MIB2: variants seen among roughly 807,000 people sequenced by gnomAD.
MIB2 encodes MIB E3 ubiquitin protein ligase 2.
A neutral mutation model predicts 96.6 loss-of-function variants in MIB2; 78 were observed. That is an observed-to-expected ratio of 0.81 (90% CI 0.67 to 0.97). The LOEUF (loss-of-function observed/expected upper bound fraction) is 0.97. Ranked by LOEUF, MIB2 falls within the 50% of genes least tolerant of loss-of-function variation. MIB2 has a pLI of 0.00. For synonymous variants in MIB2, 820 were observed against 629.5 expected, an observed-to-expected ratio of 1.30 and a Z score of -4.53; for missense variants, 1,543 against 1,424.0, an observed-to-expected ratio of 1.08 and a Z score of -1.35.
Position 1,629,203 on chromosome 1 carries a change from T to C in MIB2, c.2273T>C (p.Leu758Pro). The C allele has an allele frequency of 3.3e-6, 5 of 1,524,444 alleles. No individual in the cohort carries two copies. Among genetic ancestry groups the C allele is most frequent in the Non-Finnish European group, 4.4e-6 (5 of 1,145,064 alleles). 94.4% of individuals were successfully genotyped at this position (1,524,444 alleles called of 1,614,324 possible). Reference protein sequence around the residue: ...VGAAVACFLALEGADVSYTNH... With the variant: ...VGAAVACFLAPEGADVSYTNH... ...GCGGCGGTCGCCTGCTTCCTGGCGCTGGAGGGCGCCGACGTGAGCTACACC... is the reference window on the plus strand; with the variant it reads ...GCGGCGGTCGCCTGCTTCCTGGCGCCGGAGGGCGCCGACGTGAGCTACACC... Residue 758 changes from leucine (L) to proline (P), a missense_variant, in exon 17 of 20, where the codon CTG (leucine) becomes CCG (proline). Coordinates refer to ENST00000355826, the MANE Select transcript of MIB2 (RefSeq NM_001170687.4).
rs528290990 is a variant in MIB2, at chr1:1,627,193, A to G, written c.1360A>G (p.Arg454Gly). The part of the protein sequence containing the change: ...NAARALDLLR[R>G]RPEQVDTKNQ... ...AGCCCGGGCTCTGGACCTGCTGCGG[A>G]GGCGCCCAGAGCAGGCAAGCTCCTG... Residue 454 changes from arginine (R) to glycine (G), a missense_variant, in exon 11 of 20, where the codon AGG becomes GGG. Arg to Gly is a moderately radical substitution (Grantham distance 125). Coordinates refer to ENST00000355826, the MANE Select transcript of MIB2 (RefSeq NM_001170687.4). 20 of 1,599,786 alleles carry G rather than the reference A, an allele frequency of 1.3e-5. No individual in the cohort carries two copies. The highest frequency in any genetic ancestry group is 1.7e-5 in the Non-Finnish European group (20 of 1,173,750).
rs377728128 is a variant in MIB2, at chr1:1,628,059, C to T, written c.1721C>T (p.Ala574Val). 15 of 1,613,052 alleles carry T rather than the reference C, an allele frequency of 9.3e-6. No individual in the cohort carries two copies. In the East Asian group the frequency reaches 1.8e-4, roughly 19 times the overall value. Residue 574 changes from alanine (A) to valine (V), a missense_variant, in exon 14 of 20, where the codon GCG (alanine) becomes GTG (valine). Coordinates refer to ENST00000355826, the MANE Select transcript of MIB2 (RefSeq NM_001170687.4). ...ACGCCCCTGCACTCCGCCATCTCGG[C>T]GGGCACTGGAGCCAGCGGCATTGTC... ...SDTPLHSAISAGTGASGIVEV... is the reference protein window; with the variant it reads ...SDTPLHSAISVGTGASGIVEV...
upstream of MIB2, chr1:1,613,957 A>G (rs1172599154): frequency 6.6e-6 from 1 of 152,230 alleles, no homozygotes; most frequent in Non-Finnish European, 1.5e-5. Flanking sequence ...GGAAAACGGT[A>G]TCGTTAGGCA....
Position 1,629,424 on chromosome 1 carries a change from G to C in MIB2, c.2421G>C (p.Arg807Ser). 1.3e-6 allele frequency: 2 copies of C among 1,484,618 alleles called. No homozygotes were observed. The highest frequency in any genetic ancestry group is 1.8e-6 in the Non-Finnish European group (2 of 1,126,080). The allele number at this position is 1,484,618 out of a possible 1,614,324, so 92.0% of individuals were successfully genotyped here. ...QAGGGAAPGPRQTLGTPNTVT... is the reference protein window; with the variant it reads ...QAGGGAAPGPSQTLGTPNTVT... ...GCGGGGGCGCGGCCCCGGGCCCCAG[G>C]CAAACGCTCGGGACCCCCAACACCG... The change falls in exon 18 of 20, where the codon AGG becomes AGC. Residue 807 changes from arginine (R) to serine (S), a missense_variant. Transcript: ENST00000355826.
chr1:1,623,954 C>T lies in MIB2; in HGVS notation c.419+9C>T, dbSNP rs371552955. 3.0e-4 allele frequency: 479 copies of T among 1,596,608 alleles called. 2 individuals carry two copies. The highest frequency in any genetic ancestry group is 1.0e-3 in the South Asian group (92 of 90,002). ...ACCGCTCACTCGCGCCCGTGAGTCC[C>T]GGGCCGCACCGGCTCCTGTGCGGCG... On this transcript the variant is annotated intron_variant, in intron 4 of 19. Coordinates refer to ENST00000355826, the MANE Select transcript of MIB2 (RefSeq NM_001170687.4).
chr1:1,622,938 G>C (rs557417849), intron 2 of MIB2, among the ~76,000 whole-genome samples: 1 of 152,120 alleles, frequency 6.6e-6, no homozygotes, highest in African/African-American at 2.4e-5. Context: ...TGACGTTTTC[G>C]TGTGGATCAT....
chr1:1,615,197 C>T, upstream of MIB2: 1 of 585,052 alleles, frequency 1.7e-6, no homozygotes, highest in Non-Finnish European at 2.7e-6. Context: ...TGACTCAAAA[C>T]CCCGGATAGG....
chr1:1,615,573 A>G lies in MIB2; in HGVS notation c.-190A>G. On this transcript the variant is annotated 5_prime_UTR_variant, in exon 1 of 20. Coordinates refer to ENST00000355826, the MANE Select transcript of MIB2 (RefSeq NM_001170687.4). ...TGGCCCAGGAGGGCCTGGGAGCCCG[A>G]AGCCGTCCCCGAGTCGCTCCTAGGT... 2 of 1,542,516 alleles carry G rather than the reference A, an allele frequency of 1.3e-6. No individual in the cohort carries two copies. The highest frequency in any genetic ancestry group is 8.7e-7 in the Non-Finnish European group (1 of 1,148,068).
chr1:1,629,824 C>A, intron 19 of MIB2, 120 bp downstream of exon 19: 1 of 1,135,636 alleles, frequency 8.8e-7, no homozygotes, highest in Non-Finnish European at 1.2e-6. Flanking sequence ...TTACACCCCG[C>A]CCTCCCAAGG....
In MIB2 at chr1:1,626,808, CCTGCTGT is replaced by C. The variant is rs781688125; in HGVS notation, c.1078-28_1078-22del. On this transcript the variant is annotated intron_variant, in intron 9 of 19. Transcript: ENST00000355826. This position sits in a 1 kb window ranked among gnomAD's most constrained non-coding sequence, Gnocchi z 5.3. ...GCGCCGCTGCCCCCCACACCTGCAG[CCTGCTGT>C]GACCCCCTCCCCTCCCCGCAGGCCC... The C allele has an allele frequency of 7.5e-6, 12 of 1,597,168 alleles. No individual in the cohort carries two copies. In the Admixed American group the frequency reaches 1.8e-4, roughly 25 times the overall value.
intron 2 of MIB2, among the ~76,000 whole-genome samples, chr1:1,621,010 G>A (rs562162861): frequency 2.0e-5 from 3 of 152,258 alleles, no homozygotes; most frequent in East Asian, 1.9e-4. Flanking sequence ...GGCTAGAAGC[G>A]GCCTGTGCTG....
At chr1:1,629,941 A>G (rs1226988492) in intron 19 of MIB2, among the ~76,000 whole-genome samples, 1 of 90,078 alleles carries the variant, frequency 1.1e-5, no homozygotes, top group Non-Finnish European at 2.3e-5. Flanking sequence ...ATCACACCCC[A>G]GCCCCGCTGG....
At chr1:1,621,049 G>A (rs571174444) in intron 2 of MIB2, among the ~76,000 whole-genome samples, 5 of 152,264 alleles carry the variant, frequency 3.3e-5, no homozygotes, top group African/African-American at 4.8e-5. Context: ...AGGGGCTGCC[G>A]CTGTCACAGA....
At chr1:1,623,104 G>A (rs1190747236) in intron 2 of MIB2, 15 of 484,204 alleles carry the variant, frequency 3.1e-5, no homozygotes, top group Non-Finnish European at 5.4e-5. Context: ...ATTGGCTGTG[G>A]GAAGAGATGG....
rs1002485892 is a variant in MIB2, at chr1:1,628,957, A to G, written c.2203-176A>G. 5.4e-6 allele frequency: 4 copies of G among 745,534 alleles called. No homozygotes were observed. The African/African-American group carries it at 7.2e-5, about 13-fold the overall frequency. The allele number at this position is 745,534 out of a possible 1,614,324, so 46.2% of individuals were successfully genotyped here. On this transcript the variant is annotated intron_variant, in intron 16 of 19. Transcript: ENST00000355826. The stretch of plus-strand genomic sequence containing the variant: ...GGGGAGAGGTGGAGCTTAGGGTCTC[A>G]GAGCTCACCTAGCAGGGCGCCCCTC...
At chr1:1,619,471 C>T (rs186220389) in intron 2 of MIB2, among the ~76,000 whole-genome samples, 347 of 152,328 alleles carry the variant, frequency 2.3e-3, no homozygotes, top group Middle Eastern at 3.4e-3. Context: ...ACACTGGCAC[C>T]GCAGAAGGGT....
intron 2 of MIB2, chr1:1,617,738 A>G (rs1407206287): frequency 6.6e-6 from 1 of 152,174 alleles, no homozygotes; most frequent in African/African-American, 2.4e-5. Context: ...TTGCCAAAGC[A>G]CATCTGTCGA....
At chr1:1,615,247 G>C (rs775578207), upstream of MIB2, 75 of 994,716 alleles carry the variant, frequency 7.5e-5, no homozygotes, top group Non-Finnish European at 1.0e-4. Context: ...GCTGCGGCGC[G>C]GCAAGTGCCG....
In MIB2 at chr1:1,626,559, T is replaced by G; in HGVS notation, c.973-91T>G. ...CGGGGCCGAGTCAGGCCTGCCTGTC[T>G]CGTGGAGCTCAGCAGGTTGCCCTCC... On this transcript the variant is annotated intron_variant, in intron 8 of 19. Coordinates refer to ENST00000355826, the MANE Select transcript of MIB2 (RefSeq NM_001170687.4). The surrounding 1 kb of genome is among the most constrained non-coding windows in gnomAD (Gnocchi z 5.3). 1 of 1,129,022 alleles carries G rather than the reference T, an allele frequency of 8.9e-7. No homozygotes were observed. Among genetic ancestry groups the G allele is most frequent in the East Asian group, 2.6e-5 (1 of 38,432 alleles). The allele number at this position is 1,129,022 out of a possible 1,614,324, so 69.9% of individuals were successfully genotyped here.
Sources: allele counts gnomAD v4.1 joint callset (sites outside exome capture counted in the v4.1 genomes callset), GRCh38; gene constraint gnomAD v4.1.1; non-coding constraint Gnocchi (gnomAD v3.1); transcripts MANE v1.5; gene names NCBI Gene and HGNC (gene_info 2026-07-23, HGNC 2026-07-21).